The following UGT2B11 variants were observed in gnomAD, a reference collection of about 807,000 sequenced individuals.
UGT2B11 encodes UDP-glucuronosyltransferase 2B11.
UGT2B11 carries 49 observed loss-of-function variants against 51.7 expected under a neutral mutation model. That is an observed-to-expected ratio of 0.95 (90% CI 0.75 to 1.20). The LOEUF (loss-of-function observed/expected upper bound fraction) is 1.20, where lower values mean the gene tolerates loss of function less well. Among genes scored for constraint, UGT2B11 ranks in the 50% most tolerant of loss-of-function variants. The pLI is 0.00. For missense variants in UGT2B11, 810 were observed against 622.1 expected (o/e 1.30, Z -3.21); for synonymous variants, 273 against 209.0 (o/e 1.31, Z -2.64).
chr4:69,214,271 T>C lies in UGT2B11; in HGVS notation c.452A>G (p.Asp151Gly). 1.2e-6 allele frequency: 2 copies of C among 1,613,338 alleles called. No homozygotes were observed. Among genetic ancestry groups the C allele is most frequent in the Non-Finnish European group, 1.7e-6 (2 of 1,179,522 alleles). ...CAGCTCACCACAGGGAAAAACAGCA[T>C]CTGCAAAAACGATGTCAAATCTTGA... ...QESRFDIVFA[D>G]AVFPCGELLA... Residue 151 changes from aspartate (D) to glycine (G), a missense_variant, in exon 1 of 6, where the codon GAT becomes GGT. Coordinates refer to ENST00000446444, the MANE Select transcript of UGT2B11 (RefSeq NM_001073.3).
rs752771169 is a variant in UGT2B11 at position 69,200,865 on chromosome 4, T to C, written c.1311-146A>G. ...AGAATTTGTGTATTTTAATTTGAGT[T>C]ATCATAGATAGTTTGGCTTTTAAAT... On this transcript the variant is annotated intron_variant, in intron 5 of 5. Transcript: ENST00000446444. The C allele has an allele frequency of 2.4e-5, 26 of 1,092,818 alleles. No individual in the cohort carries two copies. The South Asian group carries it at 2.8e-4, about 12-fold the overall frequency. The allele number at this position is 1,092,818 out of a possible 1,614,324, so 67.7% of individuals were successfully genotyped here.
the UGT2B11 span, among the ~76,000 whole-genome samples, chr4:69,221,597 AG>A: frequency 6.6e-6 from 1 of 152,226 alleles, no homozygotes; most frequent in African/African-American, 2.4e-5. Flanking sequence ...TGGGACTTTC[AG>A]GCATTACAAG....
At chr4:69,206,496 A>G (rs1721862513) in intron 3 of UGT2B11, among the ~76,000 whole-genome samples, 1 of 151,580 alleles carries the variant, frequency 6.6e-6, no homozygotes, top group Non-Finnish European at 1.5e-5. Context: ...GGGAGGAAAG[A>G]GAGGATCAGG....
At chr4:69,224,678 C>T in the UGT2B11 span, among the ~76,000 whole-genome samples, 3 of 151,960 alleles carry the variant, frequency 2.0e-5, no homozygotes, top group South Asian at 4.2e-4. Flanking sequence ...AAGGTTCTTG[C>T]CTTAGCCACG....
Position 69,214,291 on chromosome 4 carries a change from T to C in UGT2B11, c.432A>G (p.Arg144=). 6.2e-7 allele frequency: 1 copy of C among 1,613,258 alleles called. No individual in the cohort carries two copies. Among genetic ancestry groups the C allele is most frequent in the Non-Finnish European group, 8.5e-7 (1 of 1,179,500 alleles). The change falls in exon 1 of 6, where the codon AGA becomes AGG. Residue 144 remains arginine (R), a synonymous_variant. Transcript: ENST00000446444. ...KKVMKKLQES[R]FDIVFADAVF... Reference sequence around the variant, plus strand: ...CAGCATCTGCAAAAACGATGTCAAATCTTGACTCTTGTAGTTTTTTCATAA... The same window carrying C: ...CAGCATCTGCAAAAACGATGTCAAACCTTGACTCTTGTAGTTTTTTCATAA...
intron 5 of UGT2B11, chr4:69,201,046 A>G (rs952660272): frequency 3.5e-5 from 7 of 202,016 alleles, no homozygotes; most frequent in Non-Finnish European, 2.0e-5. Flanking sequence ...GTATATATTT[A>G]TAGGGTACAT....
At chr4:69,223,285 C>A in the UGT2B11 span, among the ~76,000 whole-genome samples, 1 of 151,916 alleles carries the variant, frequency 6.6e-6, no homozygotes, top group East Asian at 1.9e-4. Context: ...CGGTTTGGTG[C>A]CCATCTGGAA....
intron 5 of UGT2B11, 122 bp from the exon 6 acceptor site, chr4:69,200,841 G>T (rs975312077): frequency 4.7e-5 from 56 of 1,196,732 alleles, no homozygotes; most frequent in Non-Finnish European, 5.1e-5. Flanking sequence ...AATTGACAGA[G>T]AATTTGTGTA....
At chr4:69,220,013 C>T in the UGT2B11 span, among the ~76,000 whole-genome samples, 2 of 152,028 alleles carry the variant, frequency 1.3e-5, no homozygotes, top group Non-Finnish European at 1.5e-5. Flanking sequence ...GCCTATGAGC[C>T]TAAAAAACAA....
chr4:69,200,379 G>C lies in UGT2B11; in HGVS notation c.*61C>G. The C allele has an allele frequency of 1.7e-6, 2 of 1,156,550 alleles. No homozygotes were observed. The highest frequency in any genetic ancestry group is 2.8e-5 in the South Asian group (1 of 35,490). 71.6% of individuals were successfully genotyped at this position (1,156,550 alleles called of 1,614,324 possible). On this transcript the variant is annotated 3_prime_UTR_variant, in exon 6 of 6. Transcript: ENST00000446444. ...CTTGCATAACAATCTTTTCTTTCTTGCTGGAATAAACTGAAGTTGTCCTAT... is the reference window on the plus strand; with the variant it reads ...CTTGCATAACAATCTTTTCTTTCTTCCTGGAATAAACTGAAGTTGTCCTAT...
rs140168045 is a variant in UGT2B11, at chr4:69,212,167, C to G, written c.870+406G>C. Among the ~76,000 whole-genome samples the G allele has an allele frequency of 1.0e-3, 157 of 151,654 alleles. 4 individuals carry two copies. The East Asian group carries it at 0.028, about 27-fold the overall frequency. ...TTTTTTATAACATTTTCATTAATTA[C>G]TTTTCTATATATCAAAGTAGAATGT... On this transcript the variant is annotated intron_variant, in intron 2 of 5. Coordinates refer to ENST00000446444, the MANE Select transcript of UGT2B11 (RefSeq NM_001073.3).
chr4:69,219,147 G>C (rs1368244171), upstream of UGT2B11, among the ~76,000 whole-genome samples: 6 of 151,540 alleles, frequency 4.0e-5, no homozygotes, highest in Non-Finnish European at 7.4e-5. Flanking sequence ...AAATTATGTT[G>C]GTATGAAAAA....
In UGT2B11 at chr4:69,212,679, A is replaced by T. The variant is rs756505481; in HGVS notation, c.764T>A (p.Ile255Lys). ...ACTCCAGGAGTTTCGCATAAGCCAT[A>T]TGTCAGCTTTTCCCATTGTCTCAAA... ...TLFETMGKADIWLMRNSWSFQ... is the reference protein window; with the variant it reads ...TLFETMGKADKWLMRNSWSFQ... The change falls in exon 2 of 6, where the codon ATA becomes AAA. Residue 255 changes from isoleucine (I) to lysine (K), a missense_variant. Transcript: ENST00000446444. The T allele has an allele frequency of 2.5e-6, 4 of 1,609,844 alleles. No homozygotes were observed. The highest frequency in any genetic ancestry group is 1.7e-5 in the Admixed American group (1 of 59,614).
rs147445169 is a variant in UGT2B11, at chr4:69,207,069, A to AT, written c.1002+1281dup. On this transcript the variant is annotated intron_variant, in intron 3 of 5. Coordinates refer to ENST00000446444, the MANE Select transcript of UGT2B11 (RefSeq NM_001073.3). ...ATATTACCATTATTGTTAATTTTGG[A>AT]TTTTTTTTTGGCCTAGAAATGAGGA... 1.7e-3 allele frequency among the ~76,000 whole-genome samples: 249 copies of AT among 150,812 alleles called. 2 individuals are homozygous for AT. Among genetic ancestry groups the AT allele is most frequent in the African/African-American group, 5.5e-3 (226 of 41,272 alleles).
chr4:69,219,809 A>G, the UGT2B11 span, among the ~76,000 whole-genome samples: 2 of 152,202 alleles, frequency 1.3e-5, no homozygotes, highest in African/African-American at 2.4e-5. Context: ...TGGGAATTAT[A>G]GGAGCTACAA....
At chr4:69,223,253 G>T in the UGT2B11 span, among the ~76,000 whole-genome samples, 1 of 152,124 alleles carries the variant, frequency 6.6e-6, no homozygotes, top group Non-Finnish European at 1.5e-5. Flanking sequence ...CAGTTATTCA[G>T]GATATATCTT....
chr4:69,212,269 CT>C (rs1722094060), intron 2 of UGT2B11, among the ~76,000 whole-genome samples: 1 of 151,268 alleles, frequency 6.6e-6, no homozygotes, highest in African/African-American at 2.4e-5. Flanking sequence ...TGTGCTAATC[CT>C]TTTATAAGTA....
At chr4:69,204,128 C>T (rs1217298758) in intron 5 of UGT2B11, among the ~76,000 whole-genome samples, 1 of 150,316 alleles carries the variant, frequency 6.7e-6, no homozygotes, top group Non-Finnish European at 1.5e-5. Flanking sequence ...CAAGTTTATT[C>T]TTCCTTTCTT....
chr4:69,208,209 T>G, intron 3 of UGT2B11, 142 bp downstream of exon 3: 1 of 1,487,874 alleles, frequency 6.7e-7, no homozygotes, highest in Non-Finnish European at 9.0e-7. Context: ...TTACTTGTGT[T>G]GGTGGAAGCA....
Sources: allele counts gnomAD v4.1 joint callset (sites outside exome capture counted in the v4.1 genomes callset), GRCh38; gene constraint gnomAD v4.1.1; transcripts MANE v1.5; gene names NCBI Gene and HGNC (gene_info 2026-07-23, HGNC 2026-07-21).